SCRN1: variants seen among roughly 807,000 people sequenced by gnomAD.
SCRN1 encodes the protein secernin 1.
SCRN1 carries 19 observed loss-of-function variants against 43.3 expected under a neutral mutation model. The ratio of observed to expected loss-of-function variants is 0.44; its 90% CI spans 0.31 to 0.64. The LOEUF (loss-of-function observed/expected upper bound fraction) is 0.64. Ranked by LOEUF, SCRN1 falls within the 30% of genes least tolerant of loss-of-function variation. The probability of loss-of-function intolerance (pLI) is 0.09; values close to 1 mark genes in which losing one functional copy is unlikely to be tolerated. For missense variants in SCRN1, 447 were observed against 524.1 expected (o/e 0.85, Z 1.44); for synonymous variants, 183 against 188.9 (o/e 0.97, Z 0.26).
rs554621573 is a variant in SCRN1 at position 29,939,061 on chromosome 7, G to GT, written c.739+1620dup. Among the ~76,000 whole-genome samples the GT allele has an allele frequency of 1.5e-3, 223 of 151,294 alleles. 1 individual carries two copies. Among genetic ancestry groups the GT allele is most frequent in the African/African-American group, 2.4e-3 (100 of 41,190 alleles). ...TTATTTAATATCTTTCACCAAGCTAGTTTTTTTTTAATTAAAAAAATTTTG... is the reference window on the plus strand; with the variant it reads ...TTATTTAATATCTTTCACCAAGCTAGTTTTTTTTTTAATTAAAAAAATTTTG... On this transcript the variant is annotated intron_variant, in intron 5 of 7. Transcript: ENST00000242059.
At chr7:29,927,964 T>TA (rs1046056669) in intron 6 of SCRN1, among the ~76,000 whole-genome samples, 17 of 151,060 alleles carry the variant, frequency 1.1e-4, no homozygotes, top group Admixed American at 6.6e-4. Context: ...CTACTAAAAA[T>TA]AAAAAAAAAT....
intron 1 of SCRN1, among the ~76,000 whole-genome samples, chr7:29,986,808 T>C (rs1789173308): frequency 7.5e-6 from 1 of 133,398 alleles, no homozygotes; most frequent in Non-Finnish European, 1.5e-5. Context: ...CACTGCAACC[T>C]CCGCCTCCCG....
At chr7:29,956,227 G>T (rs1261423853) in intron 2 of SCRN1, among the ~76,000 whole-genome samples, 1 of 152,190 alleles carries the variant, frequency 6.6e-6, no homozygotes, top group Non-Finnish European at 1.5e-5. Flanking sequence ...AGAGGCCCGG[G>T]ACCAGGATGT....
At position 29,941,112 on chromosome 7, in the gene SCRN1, T is replaced by A. The variant is rs140652926; in HGVS notation, c.545-236A>T. Among the ~76,000 whole-genome samples, 257 of 152,352 alleles carry A rather than the reference T, an allele frequency of 1.7e-3. 1 individual carries two copies. Among genetic ancestry groups the A allele is most frequent in the African/African-American group, 5.7e-3 (239 of 41,580 alleles). ...ACATTTTAAATGAGCAACAGTCACTTAACCCATCTTAAAAGCATAATCAAC... is the reference window on the plus strand; with the variant it reads ...ACATTTTAAATGAGCAACAGTCACTAAACCCATCTTAAAAGCATAATCAAC... On this transcript the variant is annotated intron_variant, in intron 4 of 7. Transcript: ENST00000242059.
chr7:29,936,128 T>C lies in SCRN1; in HGVS notation c.905+428A>G, dbSNP rs117173830. Among the ~76,000 whole-genome samples the C allele has an allele frequency of 8.5e-4, 129 of 152,314 alleles. 1 individual carries two copies. The East Asian group carries it at 0.022, about 26-fold the overall frequency. Reference sequence around the variant, plus strand: ...ATTGCCTCCGAACTGTTTTATTCTCTAACTCACAGGAACTGGTTGTTTTGA... The same window carrying C: ...ATTGCCTCCGAACTGTTTTATTCTCCAACTCACAGGAACTGGTTGTTTTGA... On this transcript the variant is annotated intron_variant, in intron 6 of 7. Transcript: ENST00000242059.
chr7:29,951,754 G>A (rs565834641), intron 3 of SCRN1, among the ~76,000 whole-genome samples: 19 of 152,302 alleles, frequency 1.2e-4, no homozygotes, highest in Non-Finnish European at 2.8e-4. Flanking sequence ...ATTGCCTAAT[G>A]CTTACATTCC....
In SCRN1 at chr7:29,951,762, T is replaced by TC. The variant is rs761255363; in HGVS notation, c.341+3416dup. Among the ~76,000 whole-genome samples the TC allele has an allele frequency of 7.9e-5, 12 of 152,346 alleles. No homozygotes were observed. The East Asian group carries it at 1.2e-3, about 15-fold the overall frequency. On this transcript the variant is annotated intron_variant, in intron 3 of 7. Coordinates refer to ENST00000242059, the MANE Select transcript of SCRN1 (RefSeq NM_014766.5). ...AAACAATATTGCCTAATGCTTACAT[T>TC]CCCACAAGCCTCTAGGAAACATACA...
At position 29,926,543 on chromosome 7, in the gene SCRN1, T is replaced by C. The variant is rs770560895; in HGVS notation, c.995A>G (p.Lys332Arg). The part of the protein sequence containing the change: ...SPCFGDDDPA[K>R]KEPRFQEKPD... ...TTTCTCCTGGAACCGAGGCTCCTTTTTGGCAGGGTCGTCATCCCCAAAACA... is the reference window on the plus strand; with the variant it reads ...TTTCTCCTGGAACCGAGGCTCCTTTCTGGCAGGGTCGTCATCCCCAAAACA... The change falls in exon 7 of 8, where the codon AAA becomes AGA. Residue 332 changes from lysine (K) to arginine (R), a missense_variant. By Grantham distance (26) the Lys-to-Arg change is conservative (BLOSUM62 2). Coordinates refer to ENST00000242059, the MANE Select transcript of SCRN1 (RefSeq NM_014766.5). 3.7e-6 allele frequency: 6 copies of C among 1,614,174 alleles called. No individual in the cohort carries two copies. The South Asian group carries it at 6.6e-5, about 18-fold the overall frequency.
At chr7:29,942,535 G>T (rs1268815363) in intron 4 of SCRN1, among the ~76,000 whole-genome samples, 1 of 152,214 alleles carries the variant, frequency 6.6e-6, no homozygotes, top group African/African-American at 2.4e-5. Flanking sequence ...TAGCACTCTT[G>T]ATGGAAGCAT....
chr7:29,974,685 C>CTTTCTTTTTT (rs1288431675), intron 1 of SCRN1, among the ~76,000 whole-genome samples: 44 of 134,194 alleles, frequency 3.3e-4, no homozygotes, highest in African/African-American at 1.2e-3. Context: ...TTCTTTCTTT[C>CTTTCTTTTTT]TTTTTTTTTT....
At chr7:29,982,753 C>T (rs186549509) in intron 1 of SCRN1, among the ~76,000 whole-genome samples, 9 of 149,530 alleles carry the variant, frequency 6.0e-5, no homozygotes, top group African/African-American at 1.2e-4. Context: ...ATAATTAATA[C>T]GTAGTGGAGT....
intron 2 of SCRN1, among the ~76,000 whole-genome samples, chr7:29,956,285 C>A (rs1469798367): frequency 6.6e-6 from 1 of 152,196 alleles, no homozygotes; most frequent in Non-Finnish European, 1.5e-5. Context: ...TTCCCCTCCC[C>A]ACGTTGTGAC....
chr7:29,935,282 G>A (rs1306251473), intron 6 of SCRN1, among the ~76,000 whole-genome samples: 6 of 152,214 alleles, frequency 3.9e-5, no homozygotes, highest in Non-Finnish European at 2.9e-5. Flanking sequence ...AGGGTCACAA[G>A]AGGTGCTTCA....
At chr7:29,980,914 G>C (rs1340657635) in intron 1 of SCRN1, among the ~76,000 whole-genome samples, 1 of 152,168 alleles carries the variant, frequency 6.6e-6, no homozygotes, top group Non-Finnish European at 1.5e-5. Context: ...TAGGCACATA[G>C]ATGGATGGAT....
At chr7:29,988,635 A>AACACGCGC (rs144263242) in intron 1 of SCRN1, 10 of 152,536 alleles carry the variant, frequency 6.6e-5, no homozygotes, top group Admixed American at 1.3e-4. Flanking sequence ...CTGGGAACAC[A>AACACGCGC]ACACGCGCAC....
chr7:29,983,931 C>T (rs1234401492), intron 1 of SCRN1, among the ~76,000 whole-genome samples: 1 of 152,142 alleles, frequency 6.6e-6, no homozygotes, highest in Non-Finnish European at 1.5e-5. Flanking sequence ...ATTGGCCAGG[C>T]GCAGTGGCTC....
At chr7:29,956,264 T>C (rs1478395170) in intron 2 of SCRN1, among the ~76,000 whole-genome samples, 1 of 152,180 alleles carries the variant, frequency 6.6e-6, no homozygotes, top group Non-Finnish European at 1.5e-5. Flanking sequence ...CTCGCCCTCC[T>C]GTGCTTCCCT....
rs1380075960 is a variant in SCRN1, at chr7:29,921,960, G to A, written c.*1997C>T. 1.3e-5 allele frequency: 2 copies of A among 152,182 alleles called. No homozygotes were observed. Among genetic ancestry groups the A allele is most frequent in the African/African-American group, 2.4e-5 (1 of 41,432 alleles). The allele number at this position is 152,182 out of a possible 1,614,324, so 9.4% of individuals were successfully genotyped here. A position where few individuals can be genotyped will look rare whatever the true frequency, so the allele number is the denominator to read the frequency against. On this transcript the variant is annotated 3_prime_UTR_variant, in exon 8 of 8. Transcript: ENST00000242059. The stretch of plus-strand genomic sequence containing the variant: ...CAGTGAGATTTTAGAGCAGCTTTCT[G>A]TATCATCTTGCTTTACATAGCCACT...
At chr7:29,957,805 C>G (rs1788182504) in intron 2 of SCRN1, among the ~76,000 whole-genome samples, 1 of 152,132 alleles carries the variant, frequency 6.6e-6, no homozygotes, top group Non-Finnish European at 1.5e-5. Flanking sequence ...GAGCTAAGGG[C>G]TTAAGAGAGG....
Sources: gnomAD v4.1 joint callset for allele counts (sites outside exome capture counted in the v4.1 genomes callset) on GRCh38, gnomAD v4.1.1 for gene constraint, MANE v1.5 for transcripts, NCBI Gene and HGNC (gene_info 2026-07-23, HGNC 2026-07-21) for gene names.